PLA2G15: variants seen among roughly 807,000 people sequenced by gnomAD.
The protein encoded by PLA2G15 is lysosomal phospholipase A and acyltransferase.
In PLA2G15, 20 loss-of-function variants were observed where a neutral mutation model predicts 40.9. The observed-to-expected ratio is 0.49, with a 90% CI of 0.34 to 0.71. The LOEUF is 0.71. Ranked by LOEUF, PLA2G15 falls within the 30% of genes least tolerant of loss-of-function variation. PLA2G15 has a pLI of 0.01. For synonymous variants in PLA2G15, 223 were observed against 228.2 expected, an observed-to-expected ratio of 0.98 and a Z score of 0.21; for missense variants, 471 against 541.9, an observed-to-expected ratio of 0.87 and a Z score of 1.30.
chr16:68,253,619 C>T (rs748429548), intron 2 of PLA2G15: 26 of 279,474 alleles, frequency 9.3e-5, no homozygotes, highest in African/African-American at 3.2e-4. Context: ...AAGTGATCCA[C>T]GTGCCTCAGC....
chr16:68,252,249 A>G (rs1596945730), intron 2 of PLA2G15, among the ~76,000 whole-genome samples: 1 of 152,302 alleles, frequency 6.6e-6, no homozygotes, highest in Admixed American at 6.5e-5. Flanking sequence ...ATTGCCCTGG[A>G]GAGAATGGGC....
intron 2 of PLA2G15, among the ~76,000 whole-genome samples, chr16:68,251,340 C>T (rs536535780): frequency 6.6e-6 from 1 of 152,142 alleles, no homozygotes; most frequent in East Asian, 1.9e-4. Context: ...ACCAGAAACA[C>T]AGTTGGCGCC....
intron 1 of PLA2G15, among the ~76,000 whole-genome samples, chr16:68,247,025 A>G (rs371724373): frequency 3.3e-5 from 5 of 152,266 alleles, no homozygotes; most frequent in Admixed American, 6.5e-5. Flanking sequence ...AACCGCACTC[A>G]TCAATTCAGT....
intron 1 of PLA2G15, among the ~76,000 whole-genome samples, chr16:68,248,058 G>C (rs111739540): frequency 1.3e-5 from 2 of 152,356 alleles, no homozygotes; most frequent in African/African-American, 4.8e-5. Flanking sequence ...TGCTGGTTCA[G>C]GGTGGCTGTT....
At position 68,245,480 on chromosome 16, in the gene PLA2G15, G is replaced by T. The variant is rs767610937; in HGVS notation, c.54G>T (p.Leu18=). ...TGGGGCTGCTCCCGGATGGCCTCCT[G>T]TTCCTCTTGCTGCTGCTAATGCTGC... is the stretch of plus-strand genomic sequence containing the variant. ...YRVGLLPDGL[L]FLLLLLMLLA... Residue 18 remains leucine (L), a synonymous_variant, in exon 1 of 6, where the codon CTG becomes CTT. Transcript: ENST00000219345. 2 of 1,606,724 alleles carry T rather than the reference G, an allele frequency of 1.2e-6. No individual in the cohort carries two copies. Among genetic ancestry groups the T allele is most frequent in the Non-Finnish European group, 1.7e-6 (2 of 1,179,638 alleles).
intron 1 of PLA2G15, among the ~76,000 whole-genome samples, chr16:68,247,618 A>C (rs947645046): frequency 1.3e-5 from 2 of 152,194 alleles, no homozygotes; most frequent in African/African-American, 2.4e-5. Context: ...GTCCACAGGC[A>C]TGTCATCCAG....
chr16:68,259,294 G>C lies in PLA2G15; in HGVS notation c.876G>C (p.Leu292=). 6.2e-7 allele frequency: 1 copy of C among 1,614,068 alleles called. No individual in the cohort carries two copies. Among genetic ancestry groups the C allele is most frequent in the African/African-American group, 1.3e-5 (1 of 75,086 alleles). Residue 292 remains leucine (L), a synonymous_variant, in exon 6 of 6, where the codon CTG becomes CTC. Coordinates refer to ENST00000219345, the MANE Select transcript of PLA2G15 (RefSeq NM_012320.4). This position sits in a 1 kb window ranked among gnomAD's most constrained non-coding sequence, Gnocchi z 6.5. The part of the protein sequence containing the change: ...FVQTPTINYT[L]RDYRKFFQDI... ...AGACACCCACAATCAACTACACACT[G>C]CGGGACTACCGCAAGTTCTTCCAGG...
chr16:68,245,900 G>C (rs1202784065), intron 1 of PLA2G15, among the ~76,000 whole-genome samples: 3 of 152,198 alleles, frequency 2.0e-5, no homozygotes, highest in Non-Finnish European at 4.4e-5. Context: ...GGGATGGTGG[G>C]GGTGTGTAGA....
chr16:68,245,480 G>A lies in PLA2G15; in HGVS notation c.54G>A (p.Leu18=), dbSNP rs767610937. Residue 18 remains leucine (L), a synonymous_variant, in exon 1 of 6, where the codon CTG becomes CTA. Transcript: ENST00000219345. ...YRVGLLPDGL[L]FLLLLLMLLA... is the part of the protein sequence containing the mutation. The stretch of plus-strand genomic sequence containing the variant: ...TGGGGCTGCTCCCGGATGGCCTCCT[G>A]TTCCTCTTGCTGCTGCTAATGCTGC... 1.2e-6 allele frequency: 2 copies of A among 1,606,724 alleles called. No homozygotes were observed. The highest frequency in any genetic ancestry group is 1.7e-6 in the Non-Finnish European group (2 of 1,179,638).
rs780232831 is a variant in PLA2G15, at chr16:68,259,274, C to A, written c.856C>A (p.Pro286Thr). ...WSPEKVFVQT[P>T]TINYTLRDYR... is the part of the protein sequence containing the mutation. ...ACCTGAGAAGGTGTTCGTGCAGACA[C>A]CCACAATCAACTACACACTGCGGGA... Residue 286 changes from proline to threonine, a missense_variant, in exon 6 of 6, where the codon CCC becomes ACC. Transcript: ENST00000219345. This position sits in a 1 kb window ranked among gnomAD's most constrained non-coding sequence, Gnocchi z 6.5. 1.9e-6 allele frequency: 3 copies of A among 1,614,032 alleles called. No homozygotes were observed. Among genetic ancestry groups the A allele is most frequent in the African/African-American group, 1.3e-5 (1 of 75,076 alleles).
At position 68,256,009 on chromosome 16, in the gene PLA2G15, C is replaced by T; in HGVS notation, c.727+19C>T. ...GCTTCAGGTAAGACCCTACCTGGCC[C>T]AGCGTGGGGGGCTGTTGCCAGGAAT... On this transcript the variant is annotated intron_variant, in intron 5 of 5. Coordinates refer to ENST00000219345, the MANE Select transcript of PLA2G15 (RefSeq NM_012320.4). 1 of 1,522,948 alleles carries T rather than the reference C, an allele frequency of 6.6e-7. No individual in the cohort carries two copies. The highest frequency in any genetic ancestry group is 2.3e-5 in the East Asian group (1 of 43,894). 94.3% of individuals were successfully genotyped at this position (1,522,948 alleles called of 1,614,324 possible).
chr16:68,247,359 T>C (rs547968283), intron 1 of PLA2G15, among the ~76,000 whole-genome samples: 2 of 152,212 alleles, frequency 1.3e-5, no homozygotes, highest in African/African-American at 4.8e-5. Context: ...AGCCTCAGTC[T>C]CCCCATCTGT....
intron 1 of PLA2G15, chr16:68,248,295 C>T (rs2042326530): frequency 6.6e-6 from 1 of 152,454 alleles, no homozygotes; most frequent in East Asian, 1.9e-4. Context: ...CTGTTTCCTT[C>T]TTCCTCTCTC....
intron 1 of PLA2G15, among the ~76,000 whole-genome samples, chr16:68,246,618 G>T (rs2042311435): frequency 6.6e-6 from 1 of 152,184 alleles, no homozygotes; most frequent in African/African-American, 2.4e-5. Flanking sequence ...TGGGATTTGG[G>T]CAGACTTGGC....
Position 68,259,374 on chromosome 16 carries a change from A to G in PLA2G15, c.956A>G (p.Glu319Gly). The change falls in exon 6 of 6, where the codon GAA becomes GGA. Residue 319 changes from glutamate (E) to glycine (G), a missense_variant. By Grantham distance (98) the Glu-to-Gly change is moderately conservative. Coordinates refer to ENST00000219345, the MANE Select transcript of PLA2G15 (RefSeq NM_012320.4). The surrounding 1 kb of genome is among the most constrained non-coding windows in gnomAD (Gnocchi z 6.5). Reference sequence around the variant, plus strand: ...CGGCAGGACACAGAAGGGCTGGTGGAAGCCACGATGCCACCTGGCGTGCAG... The same window carrying G: ...CGGCAGGACACAGAAGGGCTGGTGGGAGCCACGATGCCACCTGGCGTGCAG... ...LMRQDTEGLV[E>G]ATMPPGVQLH... 6.2e-7 allele frequency: 1 copy of G among 1,614,016 alleles called. No individual in the cohort carries two copies. Among genetic ancestry groups the G allele is most frequent in the Non-Finnish European group, 8.5e-7 (1 of 1,180,044 alleles).
At chr16:68,252,607 G>A (rs1474835332) in intron 2 of PLA2G15, 1 of 455,918 alleles carries the variant, frequency 2.2e-6, no homozygotes, top group African/African-American at 2.0e-5. Context: ...TGCAGCTACA[G>A]AAACTATGAG....
intron 2 of PLA2G15, among the ~76,000 whole-genome samples, chr16:68,252,816 C>A (rs1244529011): frequency 6.6e-6 from 1 of 151,760 alleles, no homozygotes. Context: ...AATAAATAAA[C>A]AAATAAATAA....
At position 68,251,231 on chromosome 16, in the gene PLA2G15, T is replaced by G. The variant is rs997171599; in HGVS notation, c.284+1785T>G. On this transcript the variant is annotated intron_variant, in intron 2 of 5. Coordinates refer to ENST00000219345, the MANE Select transcript of PLA2G15 (RefSeq NM_012320.4). ...CAGCTAATAAGTGGTAGAATCAGAATTCAAATCCAGAATGTGTGGCGTTGA... is the reference window on the plus strand; with the variant it reads ...CAGCTAATAAGTGGTAGAATCAGAAGTCAAATCCAGAATGTGTGGCGTTGA... Among the ~76,000 whole-genome samples the G allele has an allele frequency of 3.9e-5, 6 of 152,130 alleles. 1 individual carries two copies. Among genetic ancestry groups the G allele is most frequent in the Admixed American group, 3.9e-4 (6 of 15,262 alleles).
chr16:68,254,009 A>G (rs572726555), intron 2 of PLA2G15, among the ~76,000 whole-genome samples: 1 of 152,200 alleles, frequency 6.6e-6, no homozygotes, highest in Admixed American at 6.5e-5. Flanking sequence ...TCTGTTGTGT[A>G]CTGCACTCAC....
Sources: gnomAD v4.1 joint callset for allele counts (sites outside exome capture counted in the v4.1 genomes callset) on GRCh38, gnomAD v4.1.1 for gene constraint, Gnocchi (gnomAD v3.1) non-coding constraint, MANE v1.5 for transcripts, NCBI Gene and HGNC (gene_info 2026-07-23, HGNC 2026-07-21) for gene names.